The following TM9SF4 variants were observed in gnomAD, a reference collection of about 807,000 sequenced individuals.
TM9SF4 encodes the protein transmembrane 9 superfamily member 4.
In TM9SF4, 26 loss-of-function variants were observed where a neutral mutation model predicts 90.4. The ratio of observed to expected loss-of-function variants is 0.29; its 90% CI spans 0.21 to 0.40. TM9SF4 has a LOEUF of 0.40. Among genes scored for constraint, TM9SF4 ranks in the 10% least tolerant of loss-of-function variants. The probability of loss-of-function intolerance (pLI) is 1.00; values close to 1 mark genes in which losing one functional copy is unlikely to be tolerated. For missense variants in TM9SF4, 549 were observed against 834.8 expected (o/e 0.66, Z 4.22); for synonymous variants, 293 against 315.4 (o/e 0.93, Z 0.75).
chr20:32,122,100 C>T (rs35738484), intron 1 of TM9SF4, among the ~76,000 whole-genome samples: 51,191 of 127,118 alleles, frequency 0.4, 9,946 homozygotes, highest in East Asian at 0.71. Flanking sequence ...CCAGTAGGGG[C>T]GGCCGGGCAG....
At chr20:32,130,488 G>T (rs1395346269) in intron 1 of TM9SF4, among the ~76,000 whole-genome samples, 1 of 152,160 alleles carries the variant, frequency 6.6e-6, no homozygotes, top group Non-Finnish European at 1.5e-5. Context: ...TGACACACTT[G>T]CGTTCTAACC....
intron 1 of TM9SF4, among the ~76,000 whole-genome samples, chr20:32,124,757 T>C (rs2046394470): frequency 1.3e-5 from 2 of 152,232 alleles, no homozygotes; most frequent in South Asian, 4.2e-4. Context: ...TGGCTAATTT[T>C]TGTATTTTTA....
chr20:32,161,749 G>A (rs2047022224), intron 17 of TM9SF4, among the ~76,000 whole-genome samples: 1 of 152,198 alleles, frequency 6.6e-6, no homozygotes, highest in African/African-American at 2.4e-5. Flanking sequence ...AAGAAAAGTA[G>A]AAAGGAGTTA....
intron 17 of TM9SF4, among the ~76,000 whole-genome samples, chr20:32,162,545 A>G (rs1054183755): frequency 2.6e-5 from 4 of 152,242 alleles, no homozygotes; most frequent in African/African-American, 9.6e-5. Flanking sequence ...AGTAGTTGCG[A>G]CAGGGACCAT....
intron 13 of TM9SF4, among the ~76,000 whole-genome samples, chr20:32,155,854 G>A (rs2046911980): frequency 6.6e-6 from 1 of 152,190 alleles, no homozygotes; most frequent in Non-Finnish European, 1.5e-5. Context: ...TCACGTCCAG[G>A]CTTACAGAGG....
At position 32,145,219 on chromosome 20, in the gene TM9SF4, G is replaced by T. The variant is rs2046745776; in HGVS notation, c.771+10G>T. ...CTCTGTCCACTGGGAGGTGAGAAGG[G>T]GCTGGAGCTCATGGGCAGGGGAGGA... On this transcript the variant is annotated intron_variant, in intron 7 of 17. Transcript: ENST00000398022. The T allele has an allele frequency of 1.9e-6, 3 of 1,614,040 alleles. No individual in the cohort carries two copies. Among genetic ancestry groups the T allele is most frequent in the Non-Finnish European group, 2.5e-6 (3 of 1,179,890 alleles).
At chr20:32,149,462 G>A (rs914604430) in intron 9 of TM9SF4, among the ~76,000 whole-genome samples, 172 bp from the exon 10 acceptor site, 2 of 152,138 alleles carry the variant, frequency 1.3e-5, no homozygotes, top group Non-Finnish European at 2.9e-5. Context: ...CAGGTTTGTG[G>A]CCTCCTTTTC....
In TM9SF4 at chr20:32,143,008, C is replaced by A. The variant is rs755463424; in HGVS notation, c.555C>A (p.Phe185Leu). ...TCTACCTGCACAACCACCTCTCATT[C>A]ATCCTTTACTATCATCGGGAGGACA... ...NKIYLHNHLS[F>L]ILYYHREDME... is the part of the protein sequence containing the mutation. Residue 185 changes from phenylalanine (F) to leucine (L), a missense_variant, in exon 6 of 18, where the codon TTC becomes TTA. Phe to Leu is a conservative substitution (Grantham distance 22). This residue lies in a region of TM9SF4 where 495 missense variants were observed against 711.7 expected (regional missense o/e 0.70). Transcript: ENST00000398022. 5.1e-5 allele frequency: 83 copies of A among 1,613,654 alleles called. 4 individuals are homozygous for A. In the South Asian group the frequency reaches 6.0e-4, roughly 12 times the overall value.
chr20:32,153,506 T>C (rs2046872875), intron 12 of TM9SF4, among the ~76,000 whole-genome samples: 1 of 152,196 alleles, frequency 6.6e-6, no homozygotes, highest in Non-Finnish European at 1.5e-5. Flanking sequence ...CCCAGTCCTT[T>C]GGGAGGCCGA....
chr20:32,138,530 G>A (rs151293256), intron 3 of TM9SF4, among the ~76,000 whole-genome samples: 75 of 152,294 alleles, frequency 4.9e-4, no homozygotes, highest in Middle Eastern at 3.4e-3. Context: ...GGTGGTGCAC[G>A]CCTGTTATCC....
chr20:32,150,773 G>T (rs1600327656), intron 11 of TM9SF4, 27 bp from the exon 12 acceptor site: 6 of 1,614,216 alleles, frequency 3.7e-6, no homozygotes, highest in Non-Finnish European at 3.4e-6. Context: ...GGTCCCCTTG[G>T]TGTGGATCCC....
chr20:32,125,813 C>T (rs949892874), intron 1 of TM9SF4, among the ~76,000 whole-genome samples: 3 of 151,170 alleles, frequency 2.0e-5, no homozygotes, highest in Non-Finnish European at 4.4e-5. Context: ...GGGCTACAGG[C>T]ACGTGCCATC....
At chr20:32,162,412 TCAGCAAACTGCAGCCCGCGTGGGC>T (rs2047030136) in intron 17 of TM9SF4, among the ~76,000 whole-genome samples, 1 of 152,168 alleles carries the variant, frequency 6.6e-6, no homozygotes. Context: ...AGCTCAGGGG[TCAGCAAACTGCAGCCCGCGTGGGC>T]CAGCAGGCCT....
At chr20:32,141,710 A>T (rs762917347) in intron 4 of TM9SF4, 45 bp downstream of exon 4, 27 of 1,613,126 alleles carry the variant, frequency 1.7e-5, no homozygotes, top group Middle Eastern at 1.6e-4. Context: ...CACACAGGGG[A>T]GGACACTGAC....
chr20:32,149,464 C>T (rs1372870358), intron 9 of TM9SF4, among the ~76,000 whole-genome samples, 170 bp from the exon 10 acceptor site: 2 of 152,160 alleles, frequency 1.3e-5, no homozygotes, highest in Non-Finnish European at 2.9e-5. Flanking sequence ...GGTTTGTGGC[C>T]TCCTTTTCTT....
intron 1 of TM9SF4, among the ~76,000 whole-genome samples, chr20:32,129,879 G>A (rs926414002): frequency 6.6e-5 from 10 of 152,148 alleles, no homozygotes; most frequent in Admixed American, 2.0e-4. Context: ...GAGCTACTGC[G>A]CCTGGCCAGT....
At chr20:32,150,025 G>A (rs1306700900) in intron 10 of TM9SF4, among the ~76,000 whole-genome samples, 1 of 152,176 alleles carries the variant, frequency 6.6e-6, no homozygotes, top group Non-Finnish European at 1.5e-5. Flanking sequence ...CATCATTGCT[G>A]TGAGCTTGGC....
Position 32,123,862 on chromosome 20 carries a change from A to T in TM9SF4, c.16-9151A>T, listed in dbSNP as rs956555043. 1.4e-3 allele frequency among the ~76,000 whole-genome samples: 72 copies of T among 53,114 alleles called. 1 individual carries two copies. Among genetic ancestry groups the T allele is most frequent in the East Asian group, 8.3e-3 (1 of 120 alleles). The allele number at this position is 53,114 out of a possible 152,430, so 34.8% of individuals were successfully genotyped here. A position where few individuals can be genotyped will look rare whatever the true frequency, so the allele number is the denominator to read the frequency against. ...CTCTCTCTCATATATATATATATATATATATTTTTTTTTTTAAAGAGATAG... is the reference window on the plus strand; with the variant it reads ...CTCTCTCTCATATATATATATATATTTATATTTTTTTTTTTAAAGAGATAG... On this transcript the variant is annotated intron_variant, in intron 1 of 17. Coordinates refer to ENST00000398022, the MANE Select transcript of TM9SF4 (RefSeq NM_014742.4).
At chr20:32,159,541 G>GC (rs1185253949) in intron 15 of TM9SF4, 2 of 159,868 alleles carry the variant, frequency 1.3e-5, no homozygotes, top group African/African-American at 4.8e-5. Context: ...TCCCAGGGAA[G>GC]CCCCCTCTGT....
Sources: allele counts gnomAD v4.1 joint callset (sites outside exome capture counted in the v4.1 genomes callset), GRCh38; gene constraint gnomAD v4.1.1; regional missense constraint gnomAD v4.1.1; transcripts MANE v1.5; gene names NCBI Gene and HGNC (gene_info 2026-07-23, HGNC 2026-07-21).